ANTXR2: variants seen among roughly 807,000 people sequenced by gnomAD.
The protein encoded by ANTXR2 is anthrax toxin receptor 2.
Under a neutral mutation model 73.7 loss-of-function variants are expected in ANTXR2, and 44 were observed. The observed-to-expected ratio is 0.60, with a 90% CI of 0.47 to 0.77. The LOEUF (loss-of-function observed/expected upper bound fraction) is 0.77. Ranked by LOEUF, ANTXR2 falls within the 30% of genes least tolerant of loss-of-function variation. The pLI is 0.00. For missense variants in ANTXR2, 604 were observed against 592.5 expected (o/e 1.02, Z -0.20); for synonymous variants, 217 against 205.9 (o/e 1.05, Z -0.46).
intron 16 of ANTXR2, among the ~76,000 whole-genome samples, chr4:79,916,651 G>A (rs1442230398): frequency 6.6e-6 from 1 of 152,054 alleles, no homozygotes; most frequent in African/African-American, 2.4e-5. Flanking sequence ...TGATCCAAAT[G>A]TCCACCAGGA....
chr4:80,005,221 A>G (rs376434295), intron 12 of ANTXR2, among the ~76,000 whole-genome samples: 2 of 152,116 alleles, frequency 1.3e-5, no homozygotes, highest in East Asian at 3.9e-4. Flanking sequence ...ATGGAGGTGG[A>G]TAGCTGACAC....
chr4:80,048,557 G>A (rs1044397776), intron 7 of ANTXR2, among the ~76,000 whole-genome samples: 5 of 151,550 alleles, frequency 3.3e-5, no homozygotes, highest in African/African-American at 4.8e-5. Context: ...TCATCAAACC[G>A]TAATTTTACA....
At chr4:80,017,007 C>A (rs930940062) in intron 11 of ANTXR2, among the ~76,000 whole-genome samples, 1 of 152,248 alleles carries the variant, frequency 6.6e-6, no homozygotes, top group Non-Finnish European at 1.5e-5. Flanking sequence ...TGCTGCTACT[C>A]GCAAAGTCTG....
intron 16 of ANTXR2, among the ~76,000 whole-genome samples, chr4:79,974,194 G>T (rs1218775375): frequency 6.6e-6 from 1 of 152,086 alleles, no homozygotes; most frequent in Non-Finnish European, 1.5e-5. Flanking sequence ...CCACACTGAG[G>T]TTTCAACAGT....
At chr4:80,045,076 T>C (rs1733457739) in intron 7 of ANTXR2, among the ~76,000 whole-genome samples, 1 of 151,756 alleles carries the variant, frequency 6.6e-6, no homozygotes, top group Non-Finnish European at 1.5e-5. Flanking sequence ...TTGGATAAAT[T>C]CAAATTTTGG....
chr4:80,070,110 C>T (rs1734718296), intron 2 of ANTXR2, among the ~76,000 whole-genome samples: 1 of 152,216 alleles, frequency 6.6e-6, no homozygotes, highest in Non-Finnish European at 1.5e-5. Flanking sequence ...TTAGGCATGT[C>T]TCTCACAGAA....
chr4:79,915,854 C>CTATATATATA (rs1384449714), intron 16 of ANTXR2, among the ~76,000 whole-genome samples: 14 of 111,286 alleles, frequency 1.3e-4, no homozygotes, highest in South Asian at 3.1e-4. Context: ...CTCTCTCTCT[C>CTATATATATA]TCTCTCTCTA....
intron 12 of ANTXR2, among the ~76,000 whole-genome samples, chr4:79,993,662 G>A (rs1730579913): frequency 6.6e-6 from 1 of 151,570 alleles, no homozygotes; most frequent in Admixed American, 6.6e-5. Flanking sequence ...TCATTTGAAA[G>A]TTTTTCCCCC....
chr4:80,053,323 T>C (rs1733849419), intron 7 of ANTXR2, among the ~76,000 whole-genome samples: 1 of 151,702 alleles, frequency 6.6e-6, no homozygotes, highest in Non-Finnish European at 1.5e-5. Context: ...ATTTGGTTTG[T>C]CCACTAGATG....
At chr4:79,979,818 C>T (rs1431842725) in intron 14 of ANTXR2, among the ~76,000 whole-genome samples, 1 of 149,868 alleles carries the variant, frequency 6.7e-6, no homozygotes. Context: ...AATCAGGACA[C>T]ATATCCTTGC....
At chr4:80,019,026 G>A (rs1732016922) in intron 10 of ANTXR2, 50 bp from the exon 11 acceptor site, 2 of 1,243,414 alleles carry the variant, frequency 1.6e-6, no homozygotes, top group South Asian at 1.6e-5. Context: ...AACCAGAGGA[G>A]TAGGAGATTT....
intron 12 of ANTXR2, among the ~76,000 whole-genome samples, chr4:80,001,212 T>A (rs544658961): frequency 2.7e-4 from 41 of 151,888 alleles, no homozygotes; most frequent in African/African-American, 9.4e-4. Context: ...CATGTGCACA[T>A]TGTGCAGGTT....
At chr4:79,959,432 C>T (rs960332219) in intron 16 of ANTXR2, among the ~76,000 whole-genome samples, 41 of 152,040 alleles carry the variant, frequency 2.7e-4, no homozygotes, top group African/African-American at 9.4e-4. Context: ...GGATCTAATG[C>T]ACATATTAAC....
intron 16 of ANTXR2, among the ~76,000 whole-genome samples, chr4:79,931,334 A>C: frequency 6.6e-6 from 1 of 152,178 alleles, no homozygotes; most frequent in Non-Finnish European, 1.5e-5. Context: ...TTAGCTTTAT[A>C]AGGGTTTAAG....
At chr4:80,006,226 A>G (rs538020468) in intron 12 of ANTXR2, among the ~76,000 whole-genome samples, 106 of 152,024 alleles carry the variant, frequency 7.0e-4, no homozygotes, top group African/African-American at 2.5e-3. Context: ...ATTTGCACAC[A>G]TTTCTATGTT....
chr4:79,999,743 A>G lies in ANTXR2; in HGVS notation c.1041+8778T>C, dbSNP rs1730927620. Among the ~76,000 whole-genome samples, 4 of 152,192 alleles carry G rather than the reference A, an allele frequency of 2.6e-5. No homozygotes were observed. The South Asian group carries it at 8.3e-4, about 32-fold the overall frequency. On this transcript the variant is annotated intron_variant, in intron 12 of 16. Coordinates refer to ENST00000403729, the MANE Select transcript of ANTXR2 (RefSeq NM_058172.6). The stretch of plus-strand genomic sequence containing the variant: ...AATTTTAAAGTAGCAATGCCTGTAA[A>G]ACACATTTCAAAGATATCTGAATAG...
At chr4:79,980,009 G>T (rs372892533) in intron 14 of ANTXR2, among the ~76,000 whole-genome samples, 4 of 152,238 alleles carry the variant, frequency 2.6e-5, no homozygotes, top group African/African-American at 9.6e-5. Context: ...TGATATTGCA[G>T]AGGTAATGAT....
chr4:80,061,517 G>A (rs949974543), intron 3 of ANTXR2, among the ~76,000 whole-genome samples: 27 of 151,996 alleles, frequency 1.8e-4, no homozygotes, highest in African/African-American at 6.0e-4. Context: ...AAAACAAAAT[G>A]TAGCAATACA....
chr4:80,073,125 G>A lies in ANTXR2; in HGVS notation c.-565C>T, dbSNP rs537754850. On this transcript the variant is annotated 5_prime_UTR_variant, in exon 1 of 17. Coordinates refer to ENST00000403729, the MANE Select transcript of ANTXR2 (RefSeq NM_058172.6). ...GCTGGACTCTGGCACTGCGCTGACA[G>A]GCCGTCCCCTTTAGGGGAGGAGGCT... 1 of 152,786 alleles carries A rather than the reference G, an allele frequency of 6.5e-6. No individual in the cohort carries two copies. Among genetic ancestry groups the A allele is most frequent in the Admixed American group, 6.5e-5 (1 of 15,312 alleles). The allele number at this position is 152,786 out of a possible 1,614,324, so 9.5% of individuals were successfully genotyped here. A position where few individuals can be genotyped will look rare whatever the true frequency, so the allele number is the denominator to read the frequency against.
Sources: allele counts gnomAD v4.1 joint callset (sites outside exome capture counted in the v4.1 genomes callset), GRCh38; gene constraint gnomAD v4.1.1; transcripts MANE v1.5; gene names NCBI Gene and HGNC (gene_info 2026-07-23, HGNC 2026-07-21).